RNF220: variants seen among roughly 807,000 people sequenced by gnomAD.
RNF220 encodes ring finger protein 220.
RNF220 carries 7 observed loss-of-function variants against 67.1 expected under a neutral mutation model. That is an observed-to-expected ratio of 0.10 (90% CI 0.06 to 0.20). The LOEUF is 0.20. Among genes scored for constraint, RNF220 ranks in the 10% least tolerant of loss-of-function variants. The probability of loss-of-function intolerance (pLI) is 1.00; values close to 1 mark genes in which losing one functional copy is unlikely to be tolerated. For missense variants in RNF220, 565 were observed against 740.3 expected (o/e 0.76, Z 2.75); for synonymous variants, 270 against 283.2 (o/e 0.95, Z 0.47).
intron 1 of RNF220, among the ~76,000 whole-genome samples, chr1:44,409,454 C>T (rs773906543): frequency 1.3e-5 from 2 of 152,210 alleles, no homozygotes; most frequent in Admixed American, 1.3e-4. Context: ...GTCTTCAGCC[C>T]TTCTTTCTCC....
At chr1:44,502,423 A>G (rs937394196) in intron 2 of RNF220, among the ~76,000 whole-genome samples, 1 of 152,236 alleles carries the variant, frequency 6.6e-6, no homozygotes, top group African/African-American at 2.4e-5. Context: ...GAAGAGGGAA[A>G]GAGAATATAA....
Position 44,650,895 on chromosome 1 carries a change from T to G in RNF220, c.*120T>G. 1.2e-6 allele frequency: 1 copy of G among 829,108 alleles called. No homozygotes were observed. Among genetic ancestry groups the G allele is most frequent in the Non-Finnish European group, 2.0e-6 (1 of 492,522 alleles). The allele number at this position is 829,108 out of a possible 1,614,324, so 51.4% of individuals were successfully genotyped here. ...GGTTCCCCATGTACATACATGCACATACTCAAACATGCGTACACACACACA... is the reference window on the plus strand; with the variant it reads ...GGTTCCCCATGTACATACATGCACAGACTCAAACATGCGTACACACACACA... On this transcript the variant is annotated 3_prime_UTR_variant, in exon 15 of 15. Transcript: ENST00000361799. This position sits in a 1 kb window ranked among gnomAD's most constrained non-coding sequence, Gnocchi z 4.3.
chr1:44,502,047 A>T (rs1437913033), intron 2 of RNF220, among the ~76,000 whole-genome samples: 2 of 123,382 alleles, frequency 1.6e-5, no homozygotes, highest in Non-Finnish European at 3.4e-5. Context: ...ACTTCACACC[A>T]CTGAAACACA....
In RNF220 at chr1:44,649,406, G is replaced by A. The variant is rs1557482314; in HGVS notation, c.1446-255G>A. ...ACAGATTTGGGTGGTTGGGAAGACT[G>A]CGAAGGAGTGGTTGAAAATGGTTCC... On this transcript the variant is annotated intron_variant, in intron 12 of 14. Coordinates refer to ENST00000361799, the MANE Select transcript of RNF220 (RefSeq NM_018150.4). The surrounding 1 kb of genome is among the most constrained non-coding windows in gnomAD (Gnocchi z 5.9). 4 of 539,854 alleles carry A rather than the reference G, an allele frequency of 7.4e-6. No homozygotes were observed. The highest frequency in any genetic ancestry group is 1.3e-5 in the Non-Finnish European group (4 of 299,740). The allele number at this position is 539,854 out of a possible 1,614,324, so 33.4% of individuals were successfully genotyped here. A position where few individuals can be genotyped will look rare whatever the true frequency, so the allele number is the denominator to read the frequency against.
At chr1:44,546,324 T>A (rs982023885) in intron 2 of RNF220, among the ~76,000 whole-genome samples, 1 of 151,702 alleles carries the variant, frequency 6.6e-6, no homozygotes, top group Non-Finnish European at 1.5e-5. Context: ...GCCTAAGAGG[T>A]CGCATGGCTA....
At chr1:44,581,903 A>G (rs931364127) in intron 2 of RNF220, among the ~76,000 whole-genome samples, 1 of 152,184 alleles carries the variant, frequency 6.6e-6, no homozygotes. Flanking sequence ...AGCCAGGTCA[A>G]TGGAAATGGA....
chr1:44,642,427 A>G (rs1644514484), intron 8 of RNF220, among the ~76,000 whole-genome samples: 1 of 152,132 alleles, frequency 6.6e-6, no homozygotes, highest in Admixed American at 6.5e-5. Context: ...GGGCACTGTG[A>G]GTTAATGGTA....
chr1:44,585,023 T>G (rs1238242786), intron 2 of RNF220, among the ~76,000 whole-genome samples: 2 of 152,170 alleles, frequency 1.3e-5, no homozygotes, highest in African/African-American at 4.8e-5. Context: ...CTAATCCAGT[T>G]GCCTGAGCTG....
At chr1:44,617,704 C>T (rs917692622) in intron 3 of RNF220, among the ~76,000 whole-genome samples, 7 of 152,232 alleles carry the variant, frequency 4.6e-5, no homozygotes, top group Non-Finnish European at 1.0e-4. Flanking sequence ...GCTCCCTGAG[C>T]AGAGGGGCCT....
At chr1:44,619,429 G>T (rs917341027) in intron 3 of RNF220, among the ~76,000 whole-genome samples, 3 of 152,152 alleles carry the variant, frequency 2.0e-5, no homozygotes, top group African/African-American at 7.2e-5. Context: ...GTGTTTGGTT[G>T]GGTAATGAAC....
At chr1:44,611,572 G>A (rs964619235) in intron 2 of RNF220, among the ~76,000 whole-genome samples, 3 of 152,120 alleles carry the variant, frequency 2.0e-5, no homozygotes, top group Non-Finnish European at 4.4e-5. Flanking sequence ...CCAGCAACCT[G>A]TCAACTCCCT....
rs2232018 is a variant in RNF220 at position 44,650,440 on chromosome 1, C to T, written c.1630-264C>T. The T allele has an allele frequency of 4.6e-3, 2,501 of 549,568 alleles. 55 individuals are homozygous for T. Among genetic ancestry groups the T allele is most frequent in the African/African-American group, 0.041 (2,173 of 52,940 alleles). The allele number at this position is 549,568 out of a possible 1,614,324, so 34.0% of individuals were successfully genotyped here. ...GCCGCGTGTAATCTCGTTAGGGCTG[C>T]GGCTGCCACAGCTGGACCCAGCCTT... On this transcript the variant is annotated intron_variant, in intron 14 of 14. Coordinates refer to ENST00000361799, the MANE Select transcript of RNF220 (RefSeq NM_018150.4). This position sits in a 1 kb window ranked among gnomAD's most constrained non-coding sequence, Gnocchi z 4.3.
chr1:44,540,445 G>C (rs1661585377), intron 2 of RNF220, among the ~76,000 whole-genome samples: 1 of 152,164 alleles, frequency 6.6e-6, no homozygotes, highest in Admixed American at 6.6e-5. Flanking sequence ...TTAGCTCCTG[G>C]AATGGATCAC....
intron 2 of RNF220, among the ~76,000 whole-genome samples, chr1:44,607,612 C>T (rs1029599795): frequency 3.3e-5 from 5 of 151,996 alleles, no homozygotes; most frequent in South Asian, 2.1e-4. Context: ...CTCAGCCTCC[C>T]GAGTAGCTGG....
intron 2 of RNF220, among the ~76,000 whole-genome samples, chr1:44,551,432 T>C (rs1352289232): frequency 6.6e-6 from 1 of 152,050 alleles, no homozygotes; most frequent in African/African-American, 2.4e-5. Context: ...TTGTTATTAT[T>C]AATAGGACTG....
intron 2 of RNF220, among the ~76,000 whole-genome samples, chr1:44,521,718 A>T (rs1558007913): frequency 1.3e-5 from 2 of 152,146 alleles, no homozygotes; most frequent in South Asian, 4.1e-4. Flanking sequence ...CTGCAGATTC[A>T]TGTTTATTTC....
intron 2 of RNF220, among the ~76,000 whole-genome samples, chr1:44,563,301 A>G (rs374728630): frequency 3.5e-4 from 54 of 152,208 alleles, no homozygotes; most frequent in African/African-American, 1.2e-3. Context: ...ATGCTGAGGC[A>G]GGGCCCCCTG....
intron 2 of RNF220, among the ~76,000 whole-genome samples, chr1:44,421,930 A>T (rs933158067): frequency 2.6e-5 from 4 of 152,136 alleles, no homozygotes; most frequent in Non-Finnish European, 5.9e-5. Flanking sequence ...TTGTAGCAGA[A>T]ATAGCTGTTG....
At chr1:44,461,502 G>A (rs1466237918) in intron 2 of RNF220, among the ~76,000 whole-genome samples, 2 of 152,130 alleles carry the variant, frequency 1.3e-5, no homozygotes, top group African/African-American at 4.8e-5. Flanking sequence ...GCAGAGTTGG[G>A]AGTATATTTT....
Sources: gnomAD v4.1 joint callset for allele counts (sites outside exome capture counted in the v4.1 genomes callset) on GRCh38, gnomAD v4.1.1 for gene constraint, Gnocchi (gnomAD v3.1) non-coding constraint, MANE v1.5 for transcripts, NCBI Gene and HGNC (gene_info 2026-07-23, HGNC 2026-07-21) for gene names.